Variants in DLC1 observed in about 807,000 individuals in gnomAD.
DLC1 encodes the protein DLC1 Rho GTPase activating protein.
Under a neutral mutation model 140.3 loss-of-function variants are expected in DLC1, and 54 were observed. That is an observed-to-expected ratio of 0.38 (90% CI 0.31 to 0.48). The LOEUF (loss-of-function observed/expected upper bound fraction) is 0.48. Ranked by LOEUF, DLC1 falls within the 20% of genes least tolerant of loss-of-function variation. DLC1 has a pLI of 0.96. For synonymous variants in DLC1, 986 were observed against 728.1 expected (o/e 1.35, Z -5.70); for missense variants, 2,536 against 1,907.0 (o/e 1.33, Z -6.14).
intron 1 of DLC1, among the ~76,000 whole-genome samples, chr8:13,589,506 A>C (rs891073758): frequency 6.6e-6 from 1 of 152,038 alleles, no homozygotes; most frequent in African/African-American, 2.4e-5. Flanking sequence ...TGTTGAGTTC[A>C]TTTTGCAACG....
intron 5 of DLC1, among the ~76,000 whole-genome samples, chr8:13,154,571 G>T (rs993220521): frequency 3.9e-5 from 6 of 152,278 alleles, no homozygotes; most frequent in Admixed American, 1.3e-4. Context: ...GTTCCTGCTG[G>T]CGCCTCTCCC....
chr8:13,102,103 A>C (rs1819142516), intron 8 of DLC1, among the ~76,000 whole-genome samples: 1 of 152,310 alleles, frequency 6.6e-6, no homozygotes, highest in Middle Eastern at 3.4e-3. Flanking sequence ...TGGCATAATT[A>C]AAATTTGAAC....
chr8:13,357,249 C>A (rs1223546910), intron 4 of DLC1, among the ~76,000 whole-genome samples: 1 of 152,026 alleles, frequency 6.6e-6, no homozygotes, highest in Non-Finnish European at 1.5e-5. Flanking sequence ...CCAGCCTGGG[C>A]AACAGAGTGA....
chr8:13,097,408 T>C (rs912840084), intron 10 of DLC1, among the ~76,000 whole-genome samples: 3 of 151,978 alleles, frequency 2.0e-5, no homozygotes, highest in Non-Finnish European at 4.4e-5. Flanking sequence ...GGATTACAGG[T>C]GCATGCCACC....
chr8:13,299,557 T>C (rs1563234949), intron 5 of DLC1, among the ~76,000 whole-genome samples: 1 of 150,924 alleles, frequency 6.6e-6, no homozygotes, highest in Non-Finnish European at 1.5e-5. Context: ...TGGTGCCAGT[T>C]GCATGCCACA....
chr8:13,332,785 C>A (rs879870897), intron 4 of DLC1, among the ~76,000 whole-genome samples: 3 of 152,020 alleles, frequency 2.0e-5, no homozygotes, highest in Admixed American at 1.3e-4. Context: ...ACTTGATTAA[C>A]CCATTAATTA....
chr8:13,183,570 T>C (rs1447374461), intron 5 of DLC1, among the ~76,000 whole-genome samples: 1 of 152,230 alleles, frequency 6.6e-6, no homozygotes, highest in African/African-American at 2.4e-5. Flanking sequence ...TCTATTGAGA[T>C]AATCATGTGG....
chr8:13,267,497 C>A (rs1029810348), intron 5 of DLC1, among the ~76,000 whole-genome samples: 3 of 152,014 alleles, frequency 2.0e-5, no homozygotes, highest in Non-Finnish European at 2.9e-5. Flanking sequence ...ATAAACTGAA[C>A]CACACTGAAT....
intron 5 of DLC1, among the ~76,000 whole-genome samples, chr8:13,232,267 C>T (rs1014032471): frequency 3.3e-5 from 5 of 152,094 alleles, no homozygotes; most frequent in South Asian, 2.1e-4. Flanking sequence ...CCTCCACAGT[C>T]GCTCACACAC....
upstream of DLC1, among the ~76,000 whole-genome samples, chr8:13,518,718 G>C (rs1387213223): frequency 6.6e-6 from 1 of 152,118 alleles, no homozygotes; most frequent in African/African-American, 2.4e-5. Flanking sequence ...GTTTATAATA[G>C]CAATGAACTT....
intron 5 of DLC1, among the ~76,000 whole-genome samples, chr8:13,272,984 T>C (rs1397561142): frequency 6.6e-6 from 1 of 152,258 alleles, no homozygotes; most frequent in East Asian, 1.9e-4. Flanking sequence ...TACTAGTACA[T>C]CATAATTTTA....
chr8:13,533,290 A>G (rs1423222464), intron 1 of DLC1, among the ~76,000 whole-genome samples: 1 of 152,024 alleles, frequency 6.6e-6, no homozygotes, highest in Non-Finnish European at 1.5e-5. Flanking sequence ...TGAATTTTTC[A>G]TTGTGAGAAG....
intron 2 of DLC1, among the ~76,000 whole-genome samples, chr8:13,423,112 C>T (rs446718): frequency 0.013 from 1,995 of 152,172 alleles, 37 homozygotes; most frequent in African/African-American, 0.046. Flanking sequence ...ACAAAAGAGT[C>T]GCTGAATTGA....
At position 13,453,404 on chromosome 8, in the gene DLC1, G is replaced by GTGTA. The variant is rs1554523011; in HGVS notation, c.1023+45644_1023+45645insTACA. Among the ~76,000 whole-genome samples the GTGTA allele has an allele frequency of 9.0e-3, 207 of 22,968 alleles. 16 individuals are homozygous for GTGTA. Among genetic ancestry groups the GTGTA allele is most frequent in the African/African-American group, 0.036 (178 of 4,910 alleles). The allele number at this position is 22,968 out of a possible 152,430, so 15.1% of individuals were successfully genotyped here. ...TGGCCCAGGATATATATATATATGT[G>GTGTA]TATATATATATATATATATGTGTAT... On this transcript the variant is annotated intron_variant, in intron 2 of 17. Coordinates refer to ENST00000276297, the MANE Select transcript of DLC1 (RefSeq NM_182643.3).
At chr8:13,304,029 A>T (rs149342649) in intron 5 of DLC1, among the ~76,000 whole-genome samples, 1 of 152,142 alleles carries the variant, frequency 6.6e-6, no homozygotes, top group Non-Finnish European at 1.5e-5. Flanking sequence ...ACTTGCTGAC[A>T]TTCTGGAATA....
At chr8:13,360,370 T>C (rs534761040) in intron 4 of DLC1, among the ~76,000 whole-genome samples, 43 of 152,248 alleles carry the variant, frequency 2.8e-4, no homozygotes, top group African/African-American at 1.0e-3. Context: ...TTAGGGAGCA[T>C]ATATTGGTAT....
intron 4 of DLC1, among the ~76,000 whole-genome samples, chr8:13,311,389 C>T (rs538560901): frequency 2.3e-4 from 35 of 152,142 alleles, no homozygotes; most frequent in African/African-American, 8.4e-4. Context: ...GTTTCTCAAC[C>T]AGATCAGAGA....
intron 4 of DLC1, among the ~76,000 whole-genome samples, chr8:13,353,858 G>GAA (rs756022982): frequency 2.3e-5 from 3 of 129,870 alleles, no homozygotes; most frequent in African/African-American, 5.7e-5. Context: ...ACTTCGTCTG[G>GAA]AAAAAAAAAA....
intron 1 of DLC1, among the ~76,000 whole-genome samples, chr8:13,590,373 T>C (rs1476560731): frequency 6.6e-6 from 1 of 151,976 alleles, no homozygotes; most frequent in Non-Finnish European, 1.5e-5. Context: ...GGAAGGAACA[T>C]TGTATTTAGA....
Sources: allele counts gnomAD v4.1 joint callset (sites outside exome capture counted in the v4.1 genomes callset), GRCh38; gene constraint gnomAD v4.1.1; transcripts MANE v1.5; gene names NCBI Gene and HGNC (gene_info 2026-07-23, HGNC 2026-07-21).